Variants in SDK1 observed in about 807,000 individuals in gnomAD.
SDK1 encodes protein sidekick-1.
A neutral mutation model predicts 245.5 loss-of-function variants in SDK1; 157 were observed. The ratio of observed to expected loss-of-function variants is 0.64; its 90% confidence interval spans 0.56 to 0.73. The LOEUF is 0.73. SDK1 is among the 30% of genes least tolerant of loss of function. The pLI is 0.00. For synonymous variants in SDK1, 1,647 were observed against 1,278.5 expected (o/e 1.29, Z -6.15); for missense variants, 3,583 against 3,002.3 (o/e 1.19, Z -4.52).
At chr7:3,974,994 C>T (rs1177245755) in intron 13 of SDK1, among the ~76,000 whole-genome samples, 1 of 152,050 alleles carries the variant, frequency 6.6e-6, no homozygotes, top group Admixed American at 6.6e-5. Flanking sequence ...CCCAGCTGCC[C>T]CTCCGTGGGT....
At chr7:4,250,805 A>C (rs1787245018) in intron 44 of SDK1, among the ~76,000 whole-genome samples, 1 of 152,210 alleles carries the variant, frequency 6.6e-6, no homozygotes, top group African/African-American at 2.4e-5. Context: ...GTTATAATTC[A>C]TATATCATAT....
At chr7:4,044,976 C>A (rs939042747) in intron 17 of SDK1, among the ~76,000 whole-genome samples, 1 of 152,114 alleles carries the variant, frequency 6.6e-6, no homozygotes, top group African/African-American at 2.4e-5. Context: ...GTTTTTTCTT[C>A]TTATATCTTT....
At chr7:3,393,117 C>A (rs1583790924) in intron 1 of SDK1, among the ~76,000 whole-genome samples, 1 of 151,806 alleles carries the variant, frequency 6.6e-6, no homozygotes, top group East Asian at 1.9e-4. Context: ...ATTACAGGTG[C>A]CTGCCACCAC....
chr7:4,247,844 C>G (rs1026775552), intron 44 of SDK1, among the ~76,000 whole-genome samples: 1 of 152,148 alleles, frequency 6.6e-6, no homozygotes, highest in Admixed American at 6.5e-5. Flanking sequence ...GACACCCAGC[C>G]AGACCCCCGT....
chr7:3,713,868 A>T (rs1000022109), intron 4 of SDK1, among the ~76,000 whole-genome samples: 6 of 152,232 alleles, frequency 3.9e-5, no homozygotes, highest in African/African-American at 1.4e-4. Context: ...ATAGTGATTA[A>T]AAACAAAACC....
intron 1 of SDK1, among the ~76,000 whole-genome samples, chr7:3,405,632 G>C (rs2128575341): frequency 6.6e-6 from 1 of 152,108 alleles, no homozygotes; most frequent in Non-Finnish European, 1.5e-5. Flanking sequence ...TTTTGAGCAG[G>C]AGGTAGTGTT....
At chr7:3,965,359 T>C (rs2128130845) in intron 9 of SDK1, among the ~76,000 whole-genome samples, 1 of 152,256 alleles carries the variant, frequency 6.6e-6, no homozygotes, top group Admixed American at 6.5e-5. Context: ...ACCCAGATTA[T>C]AGGATTCTCA....
intron 22 of SDK1, among the ~76,000 whole-genome samples, chr7:4,086,551 C>T (rs764706775): frequency 1.3e-5 from 2 of 152,120 alleles, no homozygotes; most frequent in African/African-American, 4.8e-5. Context: ...GTCTGTGGCT[C>T]GGGATCCCCT....
At chr7:3,657,601 G>GT (rs112200960) in intron 4 of SDK1, among the ~76,000 whole-genome samples, 56,612 of 151,858 alleles carry the variant, frequency 0.37, 11,750 homozygotes, top group African/African-American at 0.55. Context: ...GGGGACTCGG[G>GT]TTTTTTTCCA....
chr7:3,707,225 G>A (rs1333899601), intron 4 of SDK1, among the ~76,000 whole-genome samples: 1 of 152,120 alleles, frequency 6.6e-6, no homozygotes, highest in African/African-American at 2.4e-5. Flanking sequence ...TGCTTTTGCT[G>A]TATCCAAGAA....
chr7:4,257,072 T>C (rs1583188406), intron 44 of SDK1, among the ~76,000 whole-genome samples: 1 of 152,246 alleles, frequency 6.6e-6, no homozygotes, highest in Admixed American at 6.5e-5. Flanking sequence ...TGCTTCTGAA[T>C]GATATCTGCC....
intron 5 of SDK1, among the ~76,000 whole-genome samples, chr7:3,929,860 A>G (rs1779911236): frequency 6.6e-6 from 1 of 152,198 alleles, no homozygotes; most frequent in Non-Finnish European, 1.5e-5. Context: ...ACAGTCATGC[A>G]GGCTGTTCAT....
chr7:3,672,652 A>G (rs1241520380), intron 4 of SDK1, among the ~76,000 whole-genome samples: 8 of 140,630 alleles, frequency 5.7e-5, no homozygotes, highest in Admixed American at 5.2e-4. Flanking sequence ...TATATTAAAT[A>G]AATATTAAAT....
chr7:3,807,807 T>C (rs1319067197), intron 4 of SDK1, among the ~76,000 whole-genome samples: 5 of 152,116 alleles, frequency 3.3e-5, no homozygotes, highest in Non-Finnish European at 5.9e-5. Flanking sequence ...TTTGGCAAAA[T>C]TATTTGACCT....
At chr7:3,462,836 C>T (rs866343251) in intron 1 of SDK1, among the ~76,000 whole-genome samples, 2 of 152,310 alleles carry the variant, frequency 1.3e-5, no homozygotes, top group Middle Eastern at 3.4e-3. Flanking sequence ...TCTTTCTAGT[C>T]TGTCTGGGAC....
intron 22 of SDK1, among the ~76,000 whole-genome samples, chr7:4,080,523 G>C (rs1198424905): frequency 2.0e-5 from 3 of 152,148 alleles, no homozygotes; most frequent in Non-Finnish European, 4.4e-5. Flanking sequence ...GTAAATTAGG[G>C]AACAAATCCT....
Position 4,111,937 on chromosome 7 carries a change from GGA to G in SDK1, c.3434+1168_3434+1169del, listed in dbSNP as rs568342664. 3.3e-5 allele frequency among the ~76,000 whole-genome samples: 5 copies of G among 152,282 alleles called. No homozygotes were observed. In the South Asian group the frequency reaches 1.0e-3, roughly 32 times the overall value. On this transcript the variant is annotated intron_variant, in intron 23 of 44. Transcript: ENST00000404826. ...ACCTTCATTTTATAGTTAAGGAAAC[GGA>G]GATCATCTGATTTGCTGTAAGTCTC... is the stretch of plus-strand genomic sequence containing the variant.
intron 4 of SDK1, among the ~76,000 whole-genome samples, chr7:3,758,712 A>G (rs1780008869): frequency 6.6e-6 from 1 of 152,084 alleles, no homozygotes; most frequent in Non-Finnish European, 1.5e-5. Context: ...CCATTTCTTT[A>G]AGAACCCTGG....
chr7:3,897,510 A>T (rs571646069), intron 5 of SDK1, among the ~76,000 whole-genome samples: 1 of 152,212 alleles, frequency 6.6e-6, no homozygotes, highest in East Asian at 1.9e-4. Flanking sequence ...GGCTATCCAT[A>T]TTGTAGTATG....
Sources: gnomAD v4.1 joint callset for allele counts (sites outside exome capture counted in the v4.1 genomes callset) on GRCh38, gnomAD v4.1.1 for gene constraint, MANE v1.5 for transcripts, NCBI Gene and HGNC (gene_info 2026-07-23, HGNC 2026-07-21) for gene names.